The following CNTNAP2 variants were observed in gnomAD, a reference collection of about 807,000 sequenced individuals.
CNTNAP2 encodes the protein contactin-associated protein-like 2.
CNTNAP2 carries 98 observed loss-of-function variants against 155.2 expected under a neutral mutation model. The ratio of observed to expected loss-of-function variants is 0.63; its 90% CI spans 0.54 to 0.75. The LOEUF (loss-of-function observed/expected upper bound fraction) is 0.75. Among genes scored for constraint, CNTNAP2 ranks in the 30% least tolerant of loss-of-function variants. CNTNAP2 has a pLI of 0.00. For missense variants in CNTNAP2, 1,727 were observed against 1,688.1 expected (o/e 1.02, Z -0.40); for synonymous variants, 651 against 631.2 (o/e 1.03, Z -0.47).
At chr7:147,373,606 G>A (rs1281789000) in intron 9 of CNTNAP2, among the ~76,000 whole-genome samples, 2 of 151,930 alleles carry the variant, frequency 1.3e-5, no homozygotes, top group Non-Finnish European at 2.9e-5. Context: ...GAGACTTCTG[G>A]ATTTGACAAA....
intron 9 of CNTNAP2, among the ~76,000 whole-genome samples, chr7:147,347,457 CATATATAT>C (rs60963934): frequency 2.0e-5 from 1 of 50,004 alleles, no homozygotes; most frequent in Non-Finnish European, 4.6e-5. Flanking sequence ...TATATATATG[CATATATAT>C]ATATATATAT....
intron 8 of CNTNAP2, among the ~76,000 whole-genome samples, chr7:147,231,929 T>C (rs1258465088): frequency 6.6e-6 from 1 of 152,250 alleles, no homozygotes; most frequent in Non-Finnish European, 1.5e-5. Context: ...TTTTGCTGTG[T>C]GGATACTTTT....
chr7:147,479,960 A>G (rs1327860022), intron 10 of CNTNAP2, among the ~76,000 whole-genome samples: 1 of 152,162 alleles, frequency 6.6e-6, no homozygotes, highest in Non-Finnish European at 1.5e-5. Context: ...AATAGAAGGC[A>G]GGATAAAATA....
intron 1 of CNTNAP2, among the ~76,000 whole-genome samples, chr7:146,370,038 A>C (rs1795210591): frequency 6.6e-6 from 1 of 152,010 alleles, no homozygotes; most frequent in Non-Finnish European, 1.5e-5. Flanking sequence ...GTAGAGTTCT[A>C]ACTTTACTTT....
chr7:148,170,635 G>A (rs1328788125), intron 17 of CNTNAP2, among the ~76,000 whole-genome samples: 1 of 152,174 alleles, frequency 6.6e-6, no homozygotes, highest in Non-Finnish European at 1.5e-5. Context: ...TCCCAAGGGA[G>A]TCATGATTAA....
chr7:147,932,472 T>A (rs889321538), intron 14 of CNTNAP2, among the ~76,000 whole-genome samples: 2 of 152,174 alleles, frequency 1.3e-5, no homozygotes, highest in African/African-American at 4.8e-5. Flanking sequence ...GGATGATTTC[T>A]TCAATAAATA....
chr7:147,855,685 T>C (rs1799023958), intron 13 of CNTNAP2, among the ~76,000 whole-genome samples: 1 of 152,116 alleles, frequency 6.6e-6, no homozygotes. Flanking sequence ...TGTAAAACTC[T>C]CTTTTACTCT....
intron 13 of CNTNAP2, among the ~76,000 whole-genome samples, chr7:147,731,492 G>GA (rs945783489): frequency 6.0e-5 from 9 of 148,776 alleles, no homozygotes; most frequent in Non-Finnish European, 9.0e-5. Context: ...GACATACATA[G>GA]AAAAAAAAAA....
chr7:148,405,603 A>ATTTTTT lies in CNTNAP2; in HGVS notation c.3716-3760_3716-3755dup, dbSNP rs535094195. Among the ~76,000 whole-genome samples the ATTTTTT allele has an allele frequency of 1.0e-3, 37 of 36,828 alleles. 6 individuals are homozygous for ATTTTTT. Among genetic ancestry groups the ATTTTTT allele is most frequent in the African/African-American group, 1.2e-3 (9 of 7,650 alleles). 24.2% of individuals were successfully genotyped at this position (36,828 alleles called of 152,430 possible). ...AGGCACGTGCCACCATGCACAGCTA[A>ATTTTTT]TTTTTTTTTTTTTTTTTTTTTTTTT... On this transcript the variant is annotated intron_variant, in intron 22 of 23. Transcript: ENST00000361727.
At chr7:148,203,348 T>C (rs531546700) in intron 18 of CNTNAP2, among the ~76,000 whole-genome samples, 1 of 152,342 alleles carries the variant, frequency 6.6e-6, no homozygotes, top group South Asian at 2.1e-4. Flanking sequence ...CGTGTTTCCC[T>C]CAAGGAAACT....
At chr7:147,090,023 T>A (rs1800367687) in intron 4 of CNTNAP2, among the ~76,000 whole-genome samples, 1 of 152,186 alleles carries the variant, frequency 6.6e-6, no homozygotes, top group Non-Finnish European at 1.5e-5. Flanking sequence ...GTTTGCTCTC[T>A]TCCTCACTGG....
chr7:146,552,610 C>A (rs1160945385), intron 1 of CNTNAP2, among the ~76,000 whole-genome samples: 1 of 152,006 alleles, frequency 6.6e-6, no homozygotes, highest in African/African-American at 2.4e-5. Flanking sequence ...TAACGACTTT[C>A]CTTCTTTCTT....
intron 2 of CNTNAP2, among the ~76,000 whole-genome samples, chr7:146,789,146 A>G (rs182768637): frequency 6.3e-4 from 96 of 152,344 alleles, no homozygotes; most frequent in Non-Finnish European, 1.8e-4. Context: ...CCAAGTTTAG[A>G]TTCTTGCCTA....
intron 1 of CNTNAP2, among the ~76,000 whole-genome samples, chr7:146,435,696 A>T: frequency 6.6e-6 from 1 of 152,206 alleles, no homozygotes; most frequent in East Asian, 1.9e-4. Context: ...TGTGTATGTC[A>T]TGTATGCTAA....
At position 147,776,357 on chromosome 7, in the gene CNTNAP2, A is replaced by G. The variant is rs538382669; in HGVS notation, c.2099-127208A>G. Among the ~76,000 whole-genome samples, 30 of 152,260 alleles carry G rather than the reference A, an allele frequency of 2.0e-4. No individual in the cohort carries two copies. The South Asian group carries it at 6.2e-3, about 32-fold the overall frequency. On this transcript the variant is annotated intron_variant, in intron 13 of 23. Transcript: ENST00000361727. Reference sequence around the variant, plus strand: ...AAAATGAATGTAAAAGGAAAAAGAAAAAAAATGAATGAAGAGGAAAAAGGA... The same window carrying G: ...AAAATGAATGTAAAAGGAAAAAGAAGAAAAATGAATGAAGAGGAAAAAGGA...
At chr7:148,224,334 G>A (rs1476967884) in intron 19 of CNTNAP2, among the ~76,000 whole-genome samples, 6 of 151,292 alleles carry the variant, frequency 4.0e-5, no homozygotes, top group African/African-American at 9.7e-5. Flanking sequence ...AGGAAAAACC[G>A]AGTAAACACT....
chr7:146,683,075 T>G (rs1800533285), intron 1 of CNTNAP2, among the ~76,000 whole-genome samples: 1 of 152,128 alleles, frequency 6.6e-6, no homozygotes, highest in South Asian at 2.1e-4. Context: ...TCTCTGACAC[T>G]GAGGCTGGAG....
intron 13 of CNTNAP2, among the ~76,000 whole-genome samples, chr7:147,772,761 C>T (rs1797495257): frequency 1.3e-5 from 2 of 152,022 alleles, no homozygotes; most frequent in African/African-American, 4.8e-5. Flanking sequence ...CTTCTAGCCT[C>T]AGACTACTTC....
chr7:146,867,563 A>G (rs910899164), intron 3 of CNTNAP2, among the ~76,000 whole-genome samples: 1 of 152,038 alleles, frequency 6.6e-6, no homozygotes, highest in African/African-American at 2.4e-5. Flanking sequence ...GTCGAATGGC[A>G]GTTCTGTTTT....
Sources: allele counts gnomAD v4.1 joint callset (sites outside exome capture counted in the v4.1 genomes callset), GRCh38; gene constraint gnomAD v4.1.1; transcripts MANE v1.5; gene names NCBI Gene and HGNC (gene_info 2026-07-23, HGNC 2026-07-21).